The following KAT2A variants were observed in gnomAD, a reference collection of about 807,000 sequenced individuals.
KAT2A encodes lysine acetyltransferase 2A, also known as histone acetyltransferase KAT2A.
Under a neutral mutation model 95.2 loss-of-function variants are expected in KAT2A, and 42 were observed. The ratio of observed to expected loss-of-function variants is 0.44; its 90% confidence interval spans 0.34 to 0.57. The LOEUF is 0.57. KAT2A is among the 20% of genes least tolerant of loss of function. The probability of loss-of-function intolerance (pLI) is 0.01; values close to 1 mark genes in which losing one functional copy is unlikely to be tolerated. For missense variants in KAT2A, 784 were observed against 1,126.3 expected (o/e 0.70, Z 4.35); for synonymous variants, 449 against 448.2 (o/e 1.00, Z -0.02).
Position 42,117,482 on chromosome 17 carries a change from G to A in KAT2A, c.1543C>T (p.Arg515Trp), listed in dbSNP as rs1203283266. The A allele has an allele frequency of 1.2e-6, 2 of 1,613,586 alleles. No homozygotes were observed. Among genetic ancestry groups the A allele is most frequent in the East Asian group, 2.2e-5 (1 of 44,890 alleles). ...AGCCCCACGAGCCACAGCAACACCC[G>A]CCGGTTGGCCTTGGGCGTCAGTGAG... ...GNSLTPKANRRVLLWLVGLQN... is the reference protein window; with the variant it reads ...GNSLTPKANRWVLLWLVGLQN... Residue 515 changes from arginine to tryptophan, a missense_variant, in exon 10 of 18, where the codon CGG (arginine) becomes TGG (tryptophan). Arg to Trp is a moderately radical substitution (Grantham distance 101). This residue lies in a region of KAT2A where 174 missense variants were observed against 324.9 expected (regional missense o/e 0.54). Transcript: ENST00000225916. The surrounding 1 kb of genome is among the most constrained non-coding windows in gnomAD (Gnocchi z 8.9).
rs1555667351 is a variant in KAT2A, at chr17:42,121,264, G to A, written c.41C>T (p.Ala14Val). The change falls in exon 1 of 18, where the codon GCG (alanine) becomes GTG (valine). Residue 14 changes from alanine (A) to valine (V), a missense_variant. Transcript: ENST00000225916. ...PSQAPTPAPA[A>V]QPRPLQSPAP... ...TGGGGACTGAAGGGGCCGGGGCTGCGCAGCCGGGGCCGGGGTCGGGGCCTG... is the reference window on the plus strand; with the variant it reads ...TGGGGACTGAAGGGGCCGGGGCTGCACAGCCGGGGCCGGGGTCGGGGCCTG... 3 of 1,362,766 alleles carry A rather than the reference G, an allele frequency of 2.2e-6. No homozygotes were observed. The highest frequency in any genetic ancestry group is 3.5e-5 in the Admixed American group (1 of 28,788). The allele number at this position is 1,362,766 out of a possible 1,614,324, so 84.4% of individuals were successfully genotyped here.
chr17:42,115,756 G>A lies in KAT2A; in HGVS notation c.1842C>T (p.Ala614=), dbSNP rs375106106. 34 of 1,613,362 alleles carry A rather than the reference G, an allele frequency of 2.1e-5. No homozygotes were observed. The African/African-American group carries it at 3.1e-4, about 15-fold the overall frequency. ...KHNILYFLTY[A]DEYAIGYFKK... ...TGAAGTAGCCGATGGCGTACTCGTC[G>A]GCGTAGGTGAGGAAGTAGAGAATGT... The change falls in exon 12 of 18, where the codon GCC becomes GCT. Residue 614 remains alanine (A), a synonymous_variant. Transcript: ENST00000225916.
chr17:42,114,633 A>C lies in KAT2A; in HGVS notation c.2020-29T>G, dbSNP rs1555665599. 2 of 1,583,992 alleles carry C rather than the reference A, an allele frequency of 1.3e-6. No homozygotes were observed. Among genetic ancestry groups the C allele is most frequent in the Admixed American group, 3.3e-5 (2 of 59,844 alleles). ...AGGGAAGGAAGGGACTGAGGGGCCAACTCCAGCCCCAACAACAACCCCTCC... is the reference window on the plus strand; with the variant it reads ...AGGGAAGGAAGGGACTGAGGGGCCACCTCCAGCCCCAACAACAACCCCTCC... On this transcript the variant is annotated intron_variant, in intron 13 of 17. Coordinates refer to ENST00000225916, the MANE Select transcript of KAT2A (RefSeq NM_021078.3). The surrounding 1 kb of genome is among the most constrained non-coding windows in gnomAD (Gnocchi z 6.0).
Position 42,119,417 on chromosome 17 carries a change from C to G in KAT2A, c.901G>C (p.Val301Leu), listed in dbSNP as rs539028351. 6.2e-7 allele frequency: 1 copy of G among 1,612,104 alleles called. No individual in the cohort carries two copies. The highest frequency in any genetic ancestry group is 1.7e-5 in the Admixed American group (1 of 59,832). The change falls in exon 6 of 18, where the codon GTG becomes CTG. Residue 301 changes from valine to leucine, a missense_variant. This residue lies in a region of KAT2A where 208 missense variants were observed against 339.7 expected (regional missense o/e 0.61). Coordinates refer to ENST00000225916, the MANE Select transcript of KAT2A (RefSeq NM_021078.3). This position sits in a 1 kb window ranked among gnomAD's most constrained non-coding sequence, Gnocchi z 5.3. ...NYTRWLCYCH[V>L]PQSCDSLPRY... ...GGGAGGCTATCACAGCTCTGGGGCA[C>G]GTGGCAGTAACAGAGCCATCTGGAG...
In KAT2A at chr17:42,114,326, C is replaced by T. The variant is rs546764758; in HGVS notation, c.2171+32G>A. Reference sequence around the variant, plus strand: ...AGTCTGAGGCTCCAAGTCCCTCTGCCCCACCCCCAACCCGGCTCCTTTGAC... The same window carrying T: ...AGTCTGAGGCTCCAAGTCCCTCTGCTCCACCCCCAACCCGGCTCCTTTGAC... On this transcript the variant is annotated intron_variant, in intron 15 of 17. Coordinates refer to ENST00000225916, the MANE Select transcript of KAT2A (RefSeq NM_021078.3). This position sits in a 1 kb window ranked among gnomAD's most constrained non-coding sequence, Gnocchi z 6.0. The T allele has an allele frequency of 1.4e-4, 219 of 1,613,808 alleles. 1 individual carries two copies. Among genetic ancestry groups the T allele is most frequent in the South Asian group, 1.3e-3 (120 of 91,068 alleles).
rs2054230640 is a variant in KAT2A at position 42,114,767 on chromosome 17, T to C, written c.2019+125A>G. The C allele has an allele frequency of 3.2e-6, 4 of 1,241,266 alleles. No homozygotes were observed. Among genetic ancestry groups the C allele is most frequent in the Middle Eastern group, 2.4e-4 (1 of 4,132 alleles). The allele number at this position is 1,241,266 out of a possible 1,614,324, so 76.9% of individuals were successfully genotyped here. ...GGGAGCAGAGCAAGAGCCAAGATCCTGGCCTGCCCCTCCTCACTCACACAC... is the reference window on the plus strand; with the variant it reads ...GGGAGCAGAGCAAGAGCCAAGATCCCGGCCTGCCCCTCCTCACTCACACAC... On this transcript the variant is annotated intron_variant, in intron 13 of 17. Transcript: ENST00000225916. The surrounding 1 kb of genome is among the most constrained non-coding windows in gnomAD (Gnocchi z 6.0).
chr17:42,113,889 C>A (rs375057250), intron 17 of KAT2A, 47 bp from the exon 18 acceptor site: 19 of 1,512,510 alleles, frequency 1.3e-5, no homozygotes, highest in Non-Finnish European at 1.7e-5. Context: ...CTGAAGACCA[C>A]GGCAGGGCTG....
chr17:42,120,996 A>G lies in KAT2A; in HGVS notation c.309T>C (p.Leu103=). ...QVRGLPRAKK[L]EKLGVFSACK... is the part of the protein sequence containing the mutation. ...AAGCCGAGAAGACCCCTAGCTTCTC[A>G]AGCTTCTTGGCGCGCGGCAGCCCCC... is the stretch of plus-strand genomic sequence containing the variant. The change falls in exon 1 of 18, where the codon CTT becomes CTC. Residue 103 remains leucine (L), a synonymous_variant. Transcript: ENST00000225916. 1 of 1,592,092 alleles carries G rather than the reference A, an allele frequency of 6.3e-7. No individual in the cohort carries two copies. Among genetic ancestry groups the G allele is most frequent in the Non-Finnish European group, 8.5e-7 (1 of 1,170,966 alleles).
Position 42,114,757 on chromosome 17 carries a change from G to C in KAT2A, c.2019+135C>G. On this transcript the variant is annotated intron_variant, in intron 13 of 17. Coordinates refer to ENST00000225916, the MANE Select transcript of KAT2A (RefSeq NM_021078.3). The surrounding 1 kb of genome is among the most constrained non-coding windows in gnomAD (Gnocchi z 6.0). ...ACTTCCCCAAGGGAGCAGAGCAAGA[G>C]CCAAGATCCTGGCCTGCCCCTCCTC... The C allele has an allele frequency of 8.2e-7, 1 of 1,213,642 alleles. No individual in the cohort carries two copies. Among genetic ancestry groups the C allele is most frequent in the East Asian group, 2.3e-5 (1 of 42,812 alleles). The allele number at this position is 1,213,642 out of a possible 1,614,324, so 75.2% of individuals were successfully genotyped here.
chr17:42,114,282 C>T lies in KAT2A; in HGVS notation c.2172G>A (p.Gly724=), dbSNP rs374240413. The change falls in exon 16 of 18, where the codon GGG becomes GGA. Residue 724 remains glycine, a splice_region_variant and synonymous_variant. Coordinates refer to ENST00000225916, the MANE Select transcript of KAT2A (RefSeq NM_021078.3). The surrounding 1 kb of genome is among the most constrained non-coding windows in gnomAD (Gnocchi z 6.0). Reference sequence around the variant, plus strand: ...GCTGGTCGGGGTCCTTCAGCTCCTTCCTGGGGCGAGAGACACCAAGTCTGA... The same window carrying T: ...GCTGGTCGGGGTCCTTCAGCTCCTTTCTGGGGCGAGAGACACCAAGTCTGA... The part of the protein sequence containing the change: ...TGWKPLGKEK[G]KELKDPDQLY... The T allele has an allele frequency of 3.1e-6, 5 of 1,604,382 alleles. No homozygotes were observed. Among genetic ancestry groups the T allele is most frequent in the Non-Finnish European group, 4.3e-6 (5 of 1,174,842 alleles).
Position 42,121,287 on chromosome 17 carries a change from C to T in KAT2A, c.18G>A (p.Gln6=). MAEPS[Q]APTPAPAAQP... Reference sequence around the variant, plus strand: ...GCGCAGCCGGGGCCGGGGTCGGGGCCTGGGAAGGTTCCGCCATGGCCTCCC... The same window carrying T: ...GCGCAGCCGGGGCCGGGGTCGGGGCTTGGGAAGGTTCCGCCATGGCCTCCC... The change falls in exon 1 of 18, where the codon CAG becomes CAA. Residue 6 remains glutamine (Q), a synonymous_variant. Transcript: ENST00000225916. 1 of 1,376,054 alleles carries T rather than the reference C, an allele frequency of 7.3e-7. No homozygotes were observed. Among genetic ancestry groups the T allele is most frequent in the Non-Finnish European group, 9.3e-7 (1 of 1,072,430 alleles). 85.2% of individuals were successfully genotyped at this position (1,376,054 alleles called of 1,614,324 possible).
chr17:42,114,622 C>T lies in KAT2A; in HGVS notation c.2020-18G>A. On this transcript the variant is annotated intron_variant, in intron 13 of 17. Coordinates refer to ENST00000225916, the MANE Select transcript of KAT2A (RefSeq NM_021078.3). This position sits in a 1 kb window ranked among gnomAD's most constrained non-coding sequence, Gnocchi z 6.0. ...TTGATGATCTGAGGGAAGGAAGGGA[C>T]TGAGGGGCCAACTCCAGCCCCAACA... 6.2e-7 allele frequency: 1 copy of T among 1,603,524 alleles called. No individual in the cohort carries two copies. The highest frequency in any genetic ancestry group is 8.5e-7 in the Non-Finnish European group (1 of 1,172,612).
intron 11 of KAT2A, 102 bp downstream of exon 11, chr17:42,116,931 GAA>G (rs1555666051): frequency 7.1e-7 from 1 of 1,403,708 alleles, no homozygotes; most frequent in Non-Finnish European, 9.8e-7. Flanking sequence ...CTAACTAAGA[GAA>G]GAGCAACGGG....
At chr17:42,115,855 C>A (rs2054250807) in intron 11 of KAT2A, 22 bp from the exon 12 acceptor site, 1 of 1,402,576 alleles carries the variant, frequency 7.1e-7, no homozygotes, top group Non-Finnish European at 1.0e-6. Context: ...GGAAGCAGGA[C>A]TCACCAGGAG....
rs1555666069 is a variant in KAT2A at position 42,117,008 on chromosome 17, G to A, written c.1764+27C>T. ...AAACTCAGGAGTGGGCCGTGGACTG[G>A]GGCTGGGGCCGGGGAGCCGCGCTCA... On this transcript the variant is annotated intron_variant, in intron 11 of 17. Transcript: ENST00000225916. This position sits in a 1 kb window ranked among gnomAD's most constrained non-coding sequence, Gnocchi z 8.9. 1.2e-6 allele frequency: 2 copies of A among 1,612,420 alleles called. No homozygotes were observed. The highest frequency in any genetic ancestry group is 2.2e-5 in the East Asian group (1 of 44,858).
At chr17:42,115,442 G>GC (rs568956296) in intron 12 of KAT2A, among the ~76,000 whole-genome samples, 3,097 of 105,514 alleles carry the variant, frequency 0.029, 71 homozygotes, top group Non-Finnish European at 0.041. Context: ...CTGCTCTAGT[G>GC]CCCCCCCCAG....
Position 42,117,878 on chromosome 17 carries a change from G to A in KAT2A, c.1291+29C>T. The A allele has an allele frequency of 6.2e-7, 1 of 1,602,486 alleles. No homozygotes were observed. The highest frequency in any genetic ancestry group is 8.5e-7 in the Non-Finnish European group (1 of 1,171,756). On this transcript the variant is annotated intron_variant, in intron 8 of 17. Coordinates refer to ENST00000225916, the MANE Select transcript of KAT2A (RefSeq NM_021078.3). This position sits in a 1 kb window ranked among gnomAD's most constrained non-coding sequence, Gnocchi z 8.9. ...AAAAGGTTTGGGAAGGAGTGAATGA[G>A]GGTCAGAGGTCAGGGGTCAAGTATC...
In KAT2A at chr17:42,115,842, G is replaced by C; in HGVS notation, c.1765-9C>G. 2 of 1,537,524 alleles carry C rather than the reference G, an allele frequency of 1.3e-6. No individual in the cohort carries two copies. Among genetic ancestry groups the C allele is most frequent in the Non-Finnish European group, 1.8e-6 (2 of 1,110,330 alleles). Reference sequence around the variant, plus strand: ...AGGTGGGTCCCATAACCCTGCGGGGGAGGGAAGCAGGACTCACCAGGAGCT... The same window carrying C: ...AGGTGGGTCCCATAACCCTGCGGGGCAGGGAAGCAGGACTCACCAGGAGCT... On this transcript the variant is annotated splice_polypyrimidine_tract_variant and intron_variant, in intron 11 of 17. Transcript: ENST00000225916.
rs2054230426 is a variant in KAT2A at position 42,114,758 on chromosome 17, C to T, written c.2019+134G>A. 5 of 1,221,168 alleles carry T rather than the reference C, an allele frequency of 4.1e-6. No individual in the cohort carries two copies. The highest frequency in any genetic ancestry group is 5.9e-6 in the Non-Finnish European group (5 of 848,584). 75.6% of individuals were successfully genotyped at this position (1,221,168 alleles called of 1,614,324 possible). On this transcript the variant is annotated intron_variant, in intron 13 of 17. Transcript: ENST00000225916. The surrounding 1 kb of genome is among the most constrained non-coding windows in gnomAD (Gnocchi z 6.0). ...CTTCCCCAAGGGAGCAGAGCAAGAGCCAAGATCCTGGCCTGCCCCTCCTCA... is the reference window on the plus strand; with the variant it reads ...CTTCCCCAAGGGAGCAGAGCAAGAGTCAAGATCCTGGCCTGCCCCTCCTCA...
Sources: allele counts gnomAD v4.1 joint callset (sites outside exome capture counted in the v4.1 genomes callset), GRCh38; gene constraint gnomAD v4.1.1; regional missense constraint gnomAD v4.1.1; non-coding constraint Gnocchi (gnomAD v3.1); transcripts MANE v1.5; gene names NCBI Gene and HGNC (gene_info 2026-07-23, HGNC 2026-07-21).